Variants in SORBS2 observed in about 807,000 individuals in gnomAD.
SORBS2 encodes sorbin and SH3 domain-containing protein 2.
Under a neutral mutation model 97.7 loss-of-function variants are expected in SORBS2, and 46 were observed. The observed-to-expected ratio is 0.47, with a 90% confidence interval of 0.37 to 0.60. The LOEUF is 0.60. Among genes scored for constraint, SORBS2 ranks in the 20% least tolerant of loss-of-function variants. The pLI, the probability that SORBS2 is intolerant of heterozygous loss-of-function variation, is 0.00. For missense variants in SORBS2, 1,316 were observed against 1,282.3 expected (o/e 1.03, Z -0.40); for synonymous variants, 476 against 473.4 (o/e 1.01, Z -0.07).
At chr4:185,865,647 A>G (rs1310025490) in intron 1 of SORBS2, among the ~76,000 whole-genome samples, 1 of 152,200 alleles carries the variant, frequency 6.6e-6, no homozygotes, top group Non-Finnish European at 1.5e-5. Flanking sequence ...CACTCAGGAC[A>G]TTTTCAAGGC....
intron 4 of SORBS2, among the ~76,000 whole-genome samples, chr4:185,642,806 A>C (rs572681907): frequency 1.1e-4 from 17 of 152,314 alleles, no homozygotes; most frequent in Non-Finnish European, 2.4e-4. Context: ...TCTGTATCCC[A>C]GGGAATCGTG....
chr4:185,614,434 C>T (rs1280989412), intron 11 of SORBS2, among the ~76,000 whole-genome samples: 1 of 151,854 alleles, frequency 6.6e-6, no homozygotes, highest in Non-Finnish European at 1.5e-5. Context: ...TCCTAGATTC[C>T]AAGATAGAGG....
intron 1 of SORBS2, among the ~76,000 whole-genome samples, chr4:185,872,102 A>G (rs1036425114): frequency 6.6e-6 from 1 of 152,218 alleles, no homozygotes; most frequent in Non-Finnish European, 1.5e-5. Flanking sequence ...AAATACATCA[A>G]TTTGTCATCA....
intron 4 of SORBS2, 53 bp from the exon 17 acceptor site, chr4:185,630,651 G>T: frequency 9.4e-7 from 1 of 1,065,590 alleles, no homozygotes. Flanking sequence ...GCAAAATTTT[G>T]TTCACTTGTC....
rs192269815 is a variant in SORBS2 at position 185,848,815 on chromosome 4, C to T, written c.-337-73449G>A. On this transcript the variant is annotated intron_variant, in intron 1 of 20. Coordinates refer to the SORBS2 transcript ENST00000284776. ...GACATAGTTTGAGCCTTTTATCTGA[C>T]GGTTAAGTCTGCTGGGTTCAGTACT... Among the ~76,000 whole-genome samples, 9 of 151,662 alleles carry T rather than the reference C, an allele frequency of 5.9e-5. No homozygotes were observed. In the East Asian group the frequency reaches 9.7e-4, roughly 16 times the overall value.
At chr4:185,794,693 A>G (rs2099096901) in intron 1 of SORBS2, among the ~76,000 whole-genome samples, 1 of 151,744 alleles carries the variant, frequency 6.6e-6, no homozygotes, top group South Asian at 2.1e-4. Context: ...GTAGAATGAT[A>G]ATGAGGAGCT....
intron 13 of SORBS2, among the ~76,000 whole-genome samples, chr4:185,590,606 T>C (rs920863303): frequency 4.0e-4 from 61 of 152,332 alleles, no homozygotes; most frequent in African/African-American, 1.4e-3. Flanking sequence ...AAAAGAATTA[T>C]TGATAGAATG....
At chr4:185,939,001 T>C (rs1050604560) in intron 1 of SORBS2, among the ~76,000 whole-genome samples, 2 of 152,226 alleles carry the variant, frequency 1.3e-5, no homozygotes, top group African/African-American at 4.8e-5. Flanking sequence ...CTGGTGATTC[T>C]AACAGATTTC....
chr4:185,907,119 G>C (rs1319101287), intron 1 of SORBS2, among the ~76,000 whole-genome samples: 4 of 146,556 alleles, frequency 2.7e-5, no homozygotes, highest in Admixed American at 2.1e-4. Flanking sequence ...CTGGGTGACA[G>C]AGCAAAACTC....
chr4:185,642,808 G>A (rs979264129), intron 4 of SORBS2, among the ~76,000 whole-genome samples: 2 of 152,102 alleles, frequency 1.3e-5, no homozygotes, highest in East Asian at 1.9e-4. Context: ...TGTATCCCAG[G>A]GAATCGTGGA....
At chr4:185,709,995 A>C (rs2098403938) in intron 2 of SORBS2, 1 of 152,144 alleles carries the variant, frequency 6.6e-6, no homozygotes, top group African/African-American at 2.4e-5. Flanking sequence ...TACATTGGTA[A>C]GTATGTTAAG....
At chr4:185,876,772 A>T (rs2099233930) in intron 1 of SORBS2, among the ~76,000 whole-genome samples, 2 of 152,206 alleles carry the variant, frequency 1.3e-5, no homozygotes, top group South Asian at 4.1e-4. Context: ...GGCTTATTTA[A>T]ATGCACATAA....
At chr4:185,695,357 G>A (rs2098161374) in intron 2 of SORBS2, among the ~76,000 whole-genome samples, 1 of 152,102 alleles carries the variant, frequency 6.6e-6, no homozygotes, top group Non-Finnish European at 1.5e-5. Context: ...CAGTTAATGG[G>A]AGGAGTTGCC....
At chr4:185,809,484 C>T (rs1410542459) in intron 1 of SORBS2, among the ~76,000 whole-genome samples, 18 of 47,666 alleles carry the variant, frequency 3.8e-4, no homozygotes, top group South Asian at 6.5e-4. Context: ...AAAAAAAAAT[C>T]TGATATAGTA....
intron 1 of SORBS2, among the ~76,000 whole-genome samples, chr4:185,813,622 C>T (rs1024634424): frequency 3.3e-5 from 5 of 152,214 alleles, no homozygotes; most frequent in East Asian, 3.9e-4. Flanking sequence ...CTGCATTACA[C>T]ACCATTTCCT....
intron 1 of SORBS2, among the ~76,000 whole-genome samples, chr4:185,882,779 C>G (rs959724633): frequency 6.6e-6 from 1 of 152,062 alleles, no homozygotes; most frequent in African/African-American, 2.4e-5. Context: ...CAAAAAAGGC[C>G]CACACATCTA....
At chr4:185,791,075 A>G (rs2099077804) in intron 1 of SORBS2, among the ~76,000 whole-genome samples, 1 of 152,230 alleles carries the variant, frequency 6.6e-6, no homozygotes, top group African/African-American at 2.4e-5. Context: ...ACTTTTCATA[A>G]ACAATTTAAA....
chr4:185,955,430 A>G (rs2099279084), intron 1 of SORBS2, among the ~76,000 whole-genome samples: 1 of 152,214 alleles, frequency 6.6e-6, no homozygotes, highest in Non-Finnish European at 1.5e-5. Flanking sequence ...TGTTATAGCT[A>G]TTCCTTCTAA....
At chr4:185,669,455 T>C (rs2097674052) in intron 4 of SORBS2, among the ~76,000 whole-genome samples, 1 of 152,080 alleles carries the variant, frequency 6.6e-6, no homozygotes, top group African/African-American at 2.4e-5. Flanking sequence ...ACATCTATAG[T>C]CATAAGCCCC....
Sources: allele counts gnomAD v4.1 joint callset (sites outside exome capture counted in the v4.1 genomes callset), GRCh38; gene constraint gnomAD v4.1.1; transcripts MANE v1.5; gene names NCBI Gene and HGNC (gene_info 2026-07-23, HGNC 2026-07-21).